TTLL7: variants seen among roughly 807,000 people sequenced by gnomAD.
The protein encoded by TTLL7 is tubulin tyrosine ligase like 7, also known as tubulin polyglutamylase TTLL7.
A neutral mutation model predicts 120.2 loss-of-function variants in TTLL7; 53 were observed. The ratio of observed to expected loss-of-function variants is 0.44; its 90% CI spans 0.35 to 0.55. TTLL7 has a LOEUF of 0.55. Ranked by LOEUF, TTLL7 falls within the 20% of genes least tolerant of loss-of-function variation. The probability of loss-of-function intolerance (pLI) is 0.00; values close to 1 mark genes in which losing one functional copy is unlikely to be tolerated. For synonymous variants in TTLL7, 353 were observed against 351.7 expected, an observed-to-expected ratio of 1.00 and a Z score of -0.04; for missense variants, 803 against 1,054.7, an observed-to-expected ratio of 0.76 and a Z score of 3.31.
chr1:83,882,824 G>T, intron 20 of TTLL7, 139 bp downstream of exon 20: 1 of 856,042 alleles, frequency 1.2e-6, no homozygotes, highest in Non-Finnish European at 1.8e-6. Context: ...AAAATATTTT[G>T]CAGATAATAG....
Position 83,908,745 on chromosome 1 carries a change from A to T in TTLL7, c.1787-1084T>A, listed in dbSNP as rs893128521. Among the ~76,000 whole-genome samples the T allele has an allele frequency of 8.6e-5, 13 of 151,956 alleles. 1 individual carries two copies. Among genetic ancestry groups the T allele is most frequent in the Admixed American group, 8.5e-4 (13 of 15,224 alleles). ...CTGCTTGAGGAATATATCTTCATTA[A>T]ATAATTTGGTAAAATTCACATGAAG... On this transcript the variant is annotated intron_variant, in intron 15 of 20. Coordinates refer to ENST00000260505, the MANE Select transcript of TTLL7 (RefSeq NM_024686.6).
chr1:83,926,311 T>C (rs1659119484), intron 10 of TTLL7, among the ~76,000 whole-genome samples: 1 of 152,114 alleles, frequency 6.6e-6, no homozygotes, highest in African/African-American at 2.4e-5. Context: ...TTCATTTATT[T>C]ATTTACTTGC....
intron 14 of TTLL7, 37 bp downstream of exon 14, chr1:83,917,567 T>C (rs2100787110): frequency 1.4e-5 from 20 of 1,431,808 alleles, no homozygotes; most frequent in East Asian, 2.3e-5. Context: ...TAGTAGCATC[T>C]ACTTTGATAA....
chr1:83,947,095 T>TTA (rs1211634398), intron 6 of TTLL7, 29 bp downstream of exon 6: 1 of 1,542,946 alleles, frequency 6.5e-7, no homozygotes, highest in South Asian at 1.3e-5. Context: ...TTTTTTATTT[T>TTA]TATATATTCC....
At chr1:83,936,217 A>G (rs1647379246) in intron 8 of TTLL7, among the ~76,000 whole-genome samples, 1 of 152,036 alleles carries the variant, frequency 6.6e-6, no homozygotes, top group Admixed American at 6.6e-5. Flanking sequence ...ACCACTTAAA[A>G]CCAATACACG....
chr1:83,902,018 C>G (rs1259342845), intron 18 of TTLL7: 1 of 151,982 alleles, frequency 6.6e-6, no homozygotes, highest in South Asian at 2.1e-4. Flanking sequence ...TACTCTCTCC[C>G]CAAATCTCCA....
At chr1:83,915,805 A>AG (rs1658104535) in intron 14 of TTLL7, among the ~76,000 whole-genome samples, 4 of 152,218 alleles carry the variant, frequency 2.6e-5, no homozygotes, top group Admixed American at 1.3e-4. Flanking sequence ...AGAAAAAAAA[A>AG]CAACTCCATC....
At chr1:83,892,402 GAA>G (rs376775076) in intron 18 of TTLL7, among the ~76,000 whole-genome samples, 877 of 61,532 alleles carry the variant, frequency 0.014, 187 homozygotes, top group Non-Finnish European at 0.02. Flanking sequence ...GAATATATAT[GAA>G]CATATATATG....
chr1:83,892,415 AAC>A lies in TTLL7; in HGVS notation c.2209-1936_2209-1935del, dbSNP rs58697484. 4.1e-3 allele frequency among the ~76,000 whole-genome samples: 448 copies of A among 108,218 alleles called. 60 individuals carry two copies. Among genetic ancestry groups the A allele is most frequent in the Middle Eastern group, 0.024 (4 of 166 alleles). The allele number at this position is 108,218 out of a possible 152,430, so 71.0% of individuals were successfully genotyped here. On this transcript the variant is annotated intron_variant, in intron 18 of 20. Coordinates refer to ENST00000260505, the MANE Select transcript of TTLL7 (RefSeq NM_024686.6). ...ACGAATATATATGAACATATATATG[AAC>A]ATATATATGAACATATATATGAACA... is the stretch of plus-strand genomic sequence containing the variant.
chr1:83,889,411 T>C (rs1023803213), intron 19 of TTLL7, among the ~76,000 whole-genome samples: 1 of 152,058 alleles, frequency 6.6e-6, no homozygotes, highest in African/African-American at 2.4e-5. Flanking sequence ...GCTTTGTATA[T>C]ATCATACTTT....
intron 1 of TTLL7, among the ~76,000 whole-genome samples, chr1:83,997,200 G>T (rs1026418086): frequency 6.6e-6 from 1 of 152,124 alleles, no homozygotes; most frequent in Admixed American, 6.5e-5. Flanking sequence ...CTTTAGAAAT[G>T]ACATACTAAG....
chr1:83,941,200 C>T (rs568024528), intron 7 of TTLL7, among the ~76,000 whole-genome samples: 1 of 152,242 alleles, frequency 6.6e-6, no homozygotes, highest in Non-Finnish European at 1.5e-5. Flanking sequence ...TGTGCCCCTG[C>T]TATGCACTGC....
rs527365647 is a variant in TTLL7, at chr1:83,956,672, C to T, written c.-176-4285G>A. 7.9e-5 allele frequency among the ~76,000 whole-genome samples: 12 copies of T among 152,228 alleles called. No homozygotes were observed. In the East Asian group the frequency reaches 1.9e-3, roughly 25 times the overall value. ...CTCGAACTCCCGACCTCAGGTGATC[C>T]GCCTACCTCGGCCTCCCAAAGTGCT... On this transcript the variant is annotated intron_variant, in intron 1 of 20. Coordinates refer to ENST00000260505, the MANE Select transcript of TTLL7 (RefSeq NM_024686.6).
chr1:83,978,529 A>G (rs1433201598), intron 1 of TTLL7, among the ~76,000 whole-genome samples: 1 of 152,244 alleles, frequency 6.6e-6, no homozygotes, highest in Non-Finnish European at 1.5e-5. Flanking sequence ...CATCATAGTC[A>G]TCTAGTTTTT....
At chr1:83,871,312 C>T (rs753517440) in intron 20 of TTLL7, among the ~76,000 whole-genome samples, 5 of 152,094 alleles carry the variant, frequency 3.3e-5, no homozygotes, top group Admixed American at 6.5e-5. Context: ...AGATTGTGCA[C>T]CTGTAGAATC....
In TTLL7 at chr1:83,918,929, T is replaced by C. The variant is rs12040110; in HGVS notation, c.1500+770A>G. Reference sequence around the variant, plus strand: ...TAGGATAAAAAGAATCTTCTTGAAATGCTCCCTTTTAGAATCCTGAGCTAC... The same window carrying C: ...TAGGATAAAAAGAATCTTCTTGAAACGCTCCCTTTTAGAATCCTGAGCTAC... On this transcript the variant is annotated intron_variant, in intron 13 of 20. Transcript: ENST00000260505. 3.4e-4 allele frequency among the ~76,000 whole-genome samples: 52 copies of C among 152,136 alleles called. No homozygotes were observed. The East Asian group carries it at 8.9e-3, about 26-fold the overall frequency.
chr1:83,944,632 T>C (rs1337203241), intron 6 of TTLL7, among the ~76,000 whole-genome samples: 3 of 152,086 alleles, frequency 2.0e-5, no homozygotes, highest in Non-Finnish European at 4.4e-5. Context: ...CACTTGAACC[T>C]GGGAGGCAGA....
chr1:83,996,180 T>C (rs1412863389), intron 1 of TTLL7, among the ~76,000 whole-genome samples: 1 of 152,174 alleles, frequency 6.6e-6, no homozygotes, highest in Non-Finnish European at 1.5e-5. Context: ...AATTATCTAA[T>C]GGGGGCCGGA....
chr1:83,935,639 G>A (rs1475181476), intron 8 of TTLL7, among the ~76,000 whole-genome samples: 1 of 151,676 alleles, frequency 6.6e-6, no homozygotes, highest in East Asian at 1.9e-4. Flanking sequence ...TGTTCTTCAC[G>A]GAAGGTATTG....
Sources: gnomAD v4.1 joint callset for allele counts (sites outside exome capture counted in the v4.1 genomes callset) on GRCh38, gnomAD v4.1.1 for gene constraint, MANE v1.5 for transcripts, NCBI Gene and HGNC (gene_info 2026-07-23, HGNC 2026-07-21) for gene names.